ENPP3: variants seen among roughly 807,000 people sequenced by gnomAD.
The protein encoded by ENPP3 is ectonucleotide pyrophosphatase/phosphodiesterase 3, also known as ectonucleotide pyrophosphatase/phosphodiesterase family member 3.
Under a neutral mutation model 117.8 loss-of-function variants are expected in ENPP3, and 104 were observed. The observed-to-expected ratio is 0.88, with a 90% CI of 0.75 to 1.04. The LOEUF (loss-of-function observed/expected upper bound fraction) is 1.04, where lower values mean the gene tolerates loss of function less well. Ranked by LOEUF, ENPP3 falls within the 50% of genes least tolerant of loss-of-function variation. The probability of loss-of-function intolerance (pLI) is 0.00; values close to 1 mark genes in which losing one functional copy is unlikely to be tolerated. For missense variants in ENPP3, 1,026 were observed against 1,051.9 expected, an observed-to-expected ratio of 0.98 and a Z score of 0.34; for synonymous variants, 380 against 349.9, an observed-to-expected ratio of 1.09 and a Z score of -0.96.
intron 11 of ENPP3, 22 bp downstream of exon 11, chr6:131,677,962 A>G (rs1410624382): frequency 6.7e-7 from 1 of 1,495,208 alleles, no homozygotes; most frequent in Non-Finnish European, 9.3e-7. Flanking sequence ...TTTTCTTAAA[A>G]GAAAAAAAAA....
chr6:131,713,273 T>C (rs970432881), intron 15 of ENPP3, among the ~76,000 whole-genome samples: 1 of 149,094 alleles, frequency 6.7e-6, no homozygotes, highest in African/African-American at 2.5e-5. Context: ...AATTACCCAG[T>C]CTTGGGTATG....
Position 131,652,579 on chromosome 6 carries a change from G to C in ENPP3, c.315G>C (p.Glu105Asp). The C allele has an allele frequency of 6.2e-7, 1 of 1,613,986 alleles. No individual in the cohort carries two copies. Among genetic ancestry groups the C allele is most frequent in the Non-Finnish European group, 8.5e-7 (1 of 1,179,906 alleles). ...IWMCNKFRCGETRLEASLCSC... is the reference protein window; with the variant it reads ...IWMCNKFRCGDTRLEASLCSC... ...TGTGCAATAAATTTCGTTGTGGAGAGACCAGATTAGAGGCCAGCCTTTGCT... is the reference window on the plus strand; with the variant it reads ...TGTGCAATAAATTTCGTTGTGGAGACACCAGATTAGAGGCCAGCCTTTGCT... Residue 105 changes from glutamate to aspartate, a missense_variant, in exon 4 of 25, where the codon GAG becomes GAC. By Grantham distance (45) the Glu-to-Asp change is conservative. Transcript: ENST00000357639.
intron 9 of ENPP3, 170 bp downstream of exon 9, chr6:131,675,359 T>C: frequency 1.7e-6 from 1 of 572,898 alleles, no homozygotes; most frequent in Non-Finnish European, 3.1e-6. Flanking sequence ...AGTAAATGCT[T>C]TTGGCTGTAA....
intron 15 of ENPP3, among the ~76,000 whole-genome samples, chr6:131,697,364 C>A (rs1259529443): frequency 7.2e-6 from 1 of 137,986 alleles, no homozygotes; most frequent in Admixed American, 8.5e-5. Context: ...TGGTCTAGCG[C>A]AGTGGTCCCC....
At chr6:131,643,166 C>G (rs1778087859) in intron 2 of ENPP3, among the ~76,000 whole-genome samples, 1 of 152,168 alleles carries the variant, frequency 6.6e-6, no homozygotes, top group Non-Finnish European at 1.5e-5. Context: ...TGGAAGATTA[C>G]TATCTTCTCT....
chr6:131,654,108 T>TG (rs1778325012), intron 5 of ENPP3, among the ~76,000 whole-genome samples: 1 of 135,106 alleles, frequency 7.4e-6, no homozygotes, highest in African/African-American at 2.9e-5. Context: ...TAAATTTAAG[T>TG]TTTATTATTA....
intron 20 of ENPP3, among the ~76,000 whole-genome samples, chr6:131,732,424 A>T (rs1406854283): frequency 6.6e-6 from 1 of 152,042 alleles, no homozygotes; most frequent in Non-Finnish European, 1.5e-5. Context: ...AATTATTATT[A>T]TTTTTTAAGA....
rs1424317715 is a variant in ENPP3 at position 131,709,699 on chromosome 6, A to C, written c.1413-8973A>C. The C allele has an allele frequency of 8.7e-6, 14 of 1,613,628 alleles. No homozygotes were observed. The African/African-American group carries it at 1.7e-4, about 20-fold the overall frequency. ...AACAGTTCTCTCCAATTCTTCTTCA[A>C]GATCTTTGGCTAGCTTTCTATAGGT... On this transcript the variant is annotated intron_variant, in intron 15 of 24. Coordinates refer to ENST00000357639, the MANE Select transcript of ENPP3 (RefSeq NM_005021.5).
chr6:131,685,631 G>T, intron 13 of ENPP3, 136 bp downstream of exon 13: 2 of 827,148 alleles, frequency 2.4e-6, no homozygotes, highest in Non-Finnish European at 3.9e-6. Context: ...AAACAAGTGG[G>T]AAATTCCCAT....
intron 6 of ENPP3, among the ~76,000 whole-genome samples, chr6:131,661,637 A>C (rs1336293015): frequency 6.6e-6 from 1 of 152,098 alleles, no homozygotes; most frequent in African/African-American, 2.4e-5. Flanking sequence ...GACATTGAGC[A>C]TCTTTCATAC....
chr6:131,725,257 G>C (rs1585721844), intron 19 of ENPP3, among the ~76,000 whole-genome samples: 1 of 152,016 alleles, frequency 6.6e-6, no homozygotes, highest in African/African-American at 2.4e-5. Context: ...AATTACTTTT[G>C]CTCCAACCTA....
At chr6:131,680,173 G>C (rs535580318) in intron 11 of ENPP3, among the ~76,000 whole-genome samples, 11 of 152,296 alleles carry the variant, frequency 7.2e-5, no homozygotes, top group African/African-American at 2.2e-4. Flanking sequence ...CCAGAAAAGA[G>C]ATAACAGTGA....
At chr6:131,732,790 G>A (rs1055441152) in intron 20 of ENPP3, among the ~76,000 whole-genome samples, 1 of 148,126 alleles carries the variant, frequency 6.8e-6, no homozygotes, top group African/African-American at 2.5e-5. Context: ...AAGCTGGAGT[G>A]CAATGGCCCA....
intron 18 of ENPP3, among the ~76,000 whole-genome samples, chr6:131,723,594 T>C (rs910687761): frequency 1.3e-5 from 2 of 152,094 alleles, no homozygotes; most frequent in Non-Finnish European, 2.9e-5. Flanking sequence ...AGGACCACCA[T>C]CTGCATCACT....
chr6:131,729,082 T>C (rs1270688500), intron 20 of ENPP3, among the ~76,000 whole-genome samples: 1 of 152,212 alleles, frequency 6.6e-6, no homozygotes, highest in African/African-American at 2.4e-5. Context: ...CTCGCTCTAT[T>C]TACCTATCTA....
chr6:131,682,309 C>T (rs1779039525), intron 11 of ENPP3, among the ~76,000 whole-genome samples: 2 of 151,874 alleles, frequency 1.3e-5, no homozygotes, highest in South Asian at 4.2e-4. Context: ...GCCTGGGAAA[C>T]TTAATGAGAT....
intron 6 of ENPP3, among the ~76,000 whole-genome samples, chr6:131,669,655 C>CAAAAAAAAAAAAA (rs67597128): frequency 6.5e-5 from 4 of 61,738 alleles, no homozygotes; most frequent in Non-Finnish European, 1.1e-4. Context: ...GACTCCATCT[C>CAAAAAAAAAAAAA]AAAAAAAAAA....
chr6:131,718,836 G>A (rs1779953598), intron 16 of ENPP3, 98 bp downstream of exon 16: 5 of 666,882 alleles, frequency 7.5e-6, no homozygotes, highest in Admixed American at 2.6e-5. Flanking sequence ...TGTCATGGGG[G>A]TTTGTCATAC....
At chr6:131,671,189 G>A in intron 6 of ENPP3, 59 bp from the exon 7 acceptor site, 1 of 937,990 alleles carries the variant, frequency 1.1e-6, no homozygotes, top group Non-Finnish European at 1.7e-6. Flanking sequence ...CAGATTTTTA[G>A]TTATCCAAAA....
Sources: allele counts gnomAD v4.1 joint callset (sites outside exome capture counted in the v4.1 genomes callset), GRCh38; gene constraint gnomAD v4.1.1; transcripts MANE v1.5; gene names NCBI Gene and HGNC (gene_info 2026-07-23, HGNC 2026-07-21).